CRACD: variants seen among roughly 807,000 people sequenced by gnomAD.
CRACD encodes the protein capping protein inhibiting regulator of actin dynamics.
In CRACD, 56 loss-of-function variants were observed where a neutral mutation model predicts 106.8. The ratio of observed to expected loss-of-function variants is 0.52; its 90% CI spans 0.42 to 0.66. The LOEUF is 0.66. Ranked by LOEUF, CRACD falls within the 30% of genes least tolerant of loss-of-function variation. The pLI, the probability that CRACD is intolerant of heterozygous loss-of-function variation, is 0.00. For missense variants in CRACD, 1,730 were observed against 1,623.2 expected (o/e 1.07, Z -1.13); for synonymous variants, 754 against 670.8 (o/e 1.12, Z -1.92).
At position 56,154,670 on chromosome 4, in the gene CRACD, A is replaced by G. The variant is rs186519746; in HGVS notation, c.-335-24614A>G. Among the ~76,000 whole-genome samples the G allele has an allele frequency of 8.5e-5, 13 of 152,336 alleles. 1 individual carries two copies. The East Asian group carries it at 2.5e-3, about 29-fold the overall frequency. The stretch of plus-strand genomic sequence containing the variant: ...TTTACAAGGACATTTAGCTCACAAG[A>G]GTCCTTTGAAAGCCAGTCTCCTGAC... On this transcript the variant is annotated intron_variant, in intron 1 of 10. Coordinates refer to ENST00000682029, the MANE Select transcript of CRACD (RefSeq NM_001393381.1).
In CRACD at chr4:56,307,831, G is replaced by T. The variant is rs1051775751; in HGVS notation, c.285+132G>T. ...TCTCATGAGTAGCTCAGGGCTTGAGGGCACTTCCTGGTAGGTGTCCTGACC... is the reference window on the plus strand; with the variant it reads ...TCTCATGAGTAGCTCAGGGCTTGAGTGCACTTCCTGGTAGGTGTCCTGACC... On this transcript the variant is annotated intron_variant, in intron 5 of 10. Transcript: ENST00000682029. 8.5e-6 allele frequency: 7 copies of T among 821,756 alleles called. No homozygotes were observed. The African/African-American group carries it at 1.0e-4, about 12-fold the overall frequency. 50.9% of individuals were successfully genotyped at this position (821,756 alleles called of 1,614,324 possible). A position where few individuals can be genotyped will look rare whatever the true frequency, so the allele number is the denominator to read the frequency against.
intron 6 of CRACD, among the ~76,000 whole-genome samples, chr4:56,312,319 G>A (rs1327582028): frequency 2.6e-5 from 4 of 151,962 alleles, no homozygotes; most frequent in South Asian, 2.1e-4. Flanking sequence ...CACCACACCC[G>A]GCTAATTTAT....
intron 1 of CRACD, among the ~76,000 whole-genome samples, chr4:56,088,883 G>A (rs955777942): frequency 9.9e-5 from 15 of 151,944 alleles, no homozygotes; most frequent in African/African-American, 3.4e-4. Flanking sequence ...CCACCACCAC[G>A]CCTGGGTAAT....
intron 2 of CRACD, among the ~76,000 whole-genome samples, chr4:56,206,689 T>C (rs761147204): frequency 2.0e-5 from 3 of 152,326 alleles, no homozygotes; most frequent in African/African-American, 7.2e-5. Context: ...CGGGGCCTAG[T>C]GCACAAGCTC....
At chr4:56,303,436 A>G (rs1019129135) in intron 4 of CRACD, among the ~76,000 whole-genome samples, 1 of 148,778 alleles carries the variant, frequency 6.7e-6, no homozygotes, top group African/African-American at 2.6e-5. Flanking sequence ...CTGAAAACTT[A>G]AAGTCTGGCT....
intron 2 of CRACD, among the ~76,000 whole-genome samples, chr4:56,205,275 A>G (rs1336423292): frequency 6.6e-6 from 1 of 152,116 alleles, no homozygotes; most frequent in Non-Finnish European, 1.5e-5. Flanking sequence ...TGCTGTTCAT[A>G]TGGGTCCTTT....
At chr4:56,285,462 C>T (rs1278432182) in intron 3 of CRACD, among the ~76,000 whole-genome samples, 1 of 151,416 alleles carries the variant, frequency 6.6e-6, no homozygotes. Flanking sequence ...TTTTAAGAGA[C>T]AATGTCTTGC....
intron 2 of CRACD, among the ~76,000 whole-genome samples, chr4:56,212,940 C>G (rs1738480714): frequency 6.6e-6 from 1 of 152,164 alleles, no homozygotes; most frequent in Non-Finnish European, 1.5e-5. Flanking sequence ...TTTGCTCAAA[C>G]AAACTCAGAG....
chr4:56,245,587 T>C (rs1740635628), intron 2 of CRACD, among the ~76,000 whole-genome samples: 1 of 152,216 alleles, frequency 6.6e-6, no homozygotes, highest in Non-Finnish European at 1.5e-5. Flanking sequence ...CTTCCAGAAA[T>C]GCTGGAGCAG....
chr4:56,216,641 G>A (rs139691407), intron 2 of CRACD, among the ~76,000 whole-genome samples: 99 of 152,190 alleles, frequency 6.5e-4, no homozygotes, highest in African/African-American at 1.8e-3. Context: ...GGAGAGAAGC[G>A]GCATTTAAAA....
At chr4:56,101,273 G>A (rs1487015781) in intron 1 of CRACD, among the ~76,000 whole-genome samples, 1 of 151,658 alleles carries the variant, frequency 6.6e-6, no homozygotes, top group Non-Finnish European at 1.5e-5. Flanking sequence ...TGTTGTTGTT[G>A]CTGTTATATT....
chr4:56,118,124 G>A (rs535221452), intron 1 of CRACD, among the ~76,000 whole-genome samples: 1 of 152,308 alleles, frequency 6.6e-6, no homozygotes, highest in Non-Finnish European at 1.5e-5. Flanking sequence ...CTACTCAACT[G>A]ATGGACTTTT....
chr4:56,251,533 G>A (rs1323307767), intron 2 of CRACD, among the ~76,000 whole-genome samples: 1 of 152,156 alleles, frequency 6.6e-6, no homozygotes, highest in Non-Finnish European at 1.5e-5. Flanking sequence ...CCCAAATTAT[G>A]AGTATTTAGG....
intron 4 of CRACD, among the ~76,000 whole-genome samples, chr4:56,304,441 G>A (rs1744559622): frequency 6.6e-6 from 1 of 150,600 alleles, no homozygotes; most frequent in Non-Finnish European, 1.5e-5. Context: ...TGTCTCTTAA[G>A]CATCAGGATG....
rs1745328405 is a variant in CRACD at position 56,314,033 on chromosome 4, A to G, written c.538-7A>G. ...AAGGCTAATTGTGTTTTCCTTTCCA[A>G]TGTTAGGATCCACAACATGAGCAAG... On this transcript the variant is annotated splice_polypyrimidine_tract_variant and splice_region_variant and intron_variant, in intron 7 of 10. Coordinates refer to ENST00000682029, the MANE Select transcript of CRACD (RefSeq NM_001393381.1). The surrounding 1 kb of genome is among the most constrained non-coding windows in gnomAD (Gnocchi z 4.4). The G allele has an allele frequency of 2.5e-6, 4 of 1,609,392 alleles. No individual in the cohort carries two copies. Among genetic ancestry groups the G allele is most frequent in the Admixed American group, 1.7e-5 (1 of 59,148 alleles).
chr4:56,082,796 C>T (rs775325804), intron 1 of CRACD, among the ~76,000 whole-genome samples: 3 of 151,506 alleles, frequency 2.0e-5, no homozygotes, highest in Non-Finnish European at 4.4e-5. Context: ...TTACTCAGTG[C>T]CCCCAAGAAC....
At chr4:56,166,787 T>A (rs1238189256) in intron 1 of CRACD, among the ~76,000 whole-genome samples, 7 of 151,094 alleles carry the variant, frequency 4.6e-5, no homozygotes, top group African/African-American at 1.2e-4. Flanking sequence ...GCTGTAAAAA[T>A]TTTTTTTAAA....
At chr4:56,188,892 C>T (rs1237793339) in intron 2 of CRACD, among the ~76,000 whole-genome samples, 1 of 151,578 alleles carries the variant, frequency 6.6e-6, no homozygotes, top group African/African-American at 2.4e-5. Flanking sequence ...CCATAATGGG[C>T]TGGGTGCGGT....
In CRACD at chr4:56,314,345, A is replaced by G; in HGVS notation, c.843A>G (p.Leu281=). 6.5e-7 allele frequency: 1 copy of G among 1,549,142 alleles called. No individual in the cohort carries two copies. The highest frequency in any genetic ancestry group is 8.7e-7 in the Non-Finnish European group (1 of 1,146,770). ...EEEGEGQEPP[L]EAERAPREEQ... is the part of the protein sequence containing the mutation. Reference sequence around the variant, plus strand: ...AGGGCGAGGGGCAGGAGCCGCCTCTAGAGGCGGAAAGGGCGCCGCGGGAAG... The same window carrying G: ...AGGGCGAGGGGCAGGAGCCGCCTCTGGAGGCGGAAAGGGCGCCGCGGGAAG... The change falls in exon 8 of 11, where the codon CTA becomes CTG. Residue 281 remains leucine (L), a synonymous_variant. Coordinates refer to ENST00000682029, the MANE Select transcript of CRACD (RefSeq NM_001393381.1). This position sits in a 1 kb window ranked among gnomAD's most constrained non-coding sequence, Gnocchi z 4.4.
Sources: gnomAD v4.1 joint callset for allele counts (sites outside exome capture counted in the v4.1 genomes callset) on GRCh38, gnomAD v4.1.1 for gene constraint, Gnocchi (gnomAD v3.1) non-coding constraint, MANE v1.5 for transcripts, NCBI Gene and HGNC (gene_info 2026-07-23, HGNC 2026-07-21) for gene names.